Variants in ADAM18 observed in about 807,000 individuals in gnomAD.
The protein encoded by ADAM18 is disintegrin and metalloproteinase domain-containing protein 18.
A neutral mutation model predicts 94.4 loss-of-function variants in ADAM18; 117 were observed. The observed-to-expected ratio is 1.24, with a 90% CI of 1.07 to 1.45. ADAM18 has a LOEUF of 1.45. Among genes scored for constraint, ADAM18 ranks in the 40% most tolerant of loss-of-function variants. The pLI, the probability that ADAM18 is intolerant of heterozygous loss-of-function variation, is 0.00. For missense variants in ADAM18, 936 were observed against 880.0 expected, an observed-to-expected ratio of 1.06 and a Z score of -0.81; for synonymous variants, 327 against 291.6, an observed-to-expected ratio of 1.12 and a Z score of -1.24.
At chr8:39,608,920 A>G (rs1009046225) in intron 3 of ADAM18, 122 bp from the exon 4 acceptor site, 13 of 646,818 alleles carry the variant, frequency 2.0e-5, no homozygotes, top group South Asian at 1.6e-4. Flanking sequence ...AAATCACTCA[A>G]TTAAATCATG....
chr8:39,672,663 T>A (rs1048027718), intron 14 of ADAM18, among the ~76,000 whole-genome samples: 3 of 152,166 alleles, frequency 2.0e-5, no homozygotes, highest in Admixed American at 2.0e-4. Flanking sequence ...TTGACTTAAG[T>A]GGGAGCAAGG....
intron 7 of ADAM18, among the ~76,000 whole-genome samples, chr8:39,629,937 T>G (rs748510594): frequency 6.6e-5 from 10 of 151,980 alleles, no homozygotes; most frequent in Non-Finnish European, 1.2e-4. Context: ...CTTTAACTCC[T>G]AATGGGCCAT....
At chr8:39,727,368 C>A (rs970237560) in intron 19 of ADAM18, among the ~76,000 whole-genome samples, 1 of 152,166 alleles carries the variant, frequency 6.6e-6, no homozygotes, top group East Asian at 1.9e-4. Flanking sequence ...ATTTTTCAAA[C>A]TGTTATGCTC....
At chr8:39,608,245 C>A (rs1442515714) in intron 3 of ADAM18, among the ~76,000 whole-genome samples, 1 of 151,996 alleles carries the variant, frequency 6.6e-6, no homozygotes, top group Non-Finnish European at 1.5e-5. Flanking sequence ...CTGATGCTAT[C>A]TTAGTTCAAA....
chr8:39,708,309 A>G (rs1822295665), intron 18 of ADAM18, among the ~76,000 whole-genome samples: 1 of 152,262 alleles, frequency 6.6e-6, no homozygotes, highest in South Asian at 2.1e-4. Context: ...CAAATAAGTT[A>G]GAACACAGTA....
At chr8:39,646,781 T>C (rs1820391660) in intron 11 of ADAM18, among the ~76,000 whole-genome samples, 1 of 152,218 alleles carries the variant, frequency 6.6e-6, no homozygotes, top group Non-Finnish European at 1.5e-5. Flanking sequence ...CCGGGACTTA[T>C]ATTTTAGTGT....
intron 2 of ADAM18, among the ~76,000 whole-genome samples, 192 bp from the exon 3 acceptor site, chr8:39,606,115 C>T (rs1300756822): frequency 6.6e-6 from 1 of 151,988 alleles, no homozygotes; most frequent in East Asian, 1.9e-4. Flanking sequence ...AAAAAGTCAC[C>T]CCACACATTA....
At chr8:39,596,858 T>C (rs1818755602) in intron 2 of ADAM18, among the ~76,000 whole-genome samples, 1 of 152,220 alleles carries the variant, frequency 6.6e-6, no homozygotes, top group African/African-American at 2.4e-5. Context: ...GTTTGCGTTT[T>C]GACTATTCAA....
At chr8:39,688,537 A>G (rs574322310) in intron 16 of ADAM18, among the ~76,000 whole-genome samples, 5 of 152,266 alleles carry the variant, frequency 3.3e-5, no homozygotes, top group African/African-American at 1.2e-4. Context: ...CTCCAGCTCC[A>G]TCCATGTCCC....
At chr8:39,597,495 G>A (rs931044176) in intron 2 of ADAM18, among the ~76,000 whole-genome samples, 5 of 152,050 alleles carry the variant, frequency 3.3e-5, no homozygotes, top group Non-Finnish European at 7.4e-5. Flanking sequence ...TTTTACGTTT[G>A]GATATCCAGT....
chr8:39,597,070 C>T (rs553267061), intron 2 of ADAM18, among the ~76,000 whole-genome samples: 2 of 152,204 alleles, frequency 1.3e-5, no homozygotes, highest in East Asian at 3.9e-4. Context: ...ATTTGCTTGA[C>T]ATATATCTTA....
At chr8:39,668,509 T>G (rs1347989883) in intron 14 of ADAM18, among the ~76,000 whole-genome samples, 1 of 152,166 alleles carries the variant, frequency 6.6e-6, no homozygotes, top group Non-Finnish European at 1.5e-5. Flanking sequence ...TTCCTATTAC[T>G]ACCCACATTC....
chr8:39,609,283 C>T (rs984035456), intron 4 of ADAM18, among the ~76,000 whole-genome samples, 163 bp downstream of exon 4: 8 of 151,920 alleles, frequency 5.3e-5, no homozygotes, highest in Non-Finnish European at 1.0e-4. Context: ...CAGCTGCAAG[C>T]GAATACTCAC....
chr8:39,667,903 A>G lies in ADAM18; in HGVS notation c.1327-95A>G. On this transcript the variant is annotated intron_variant, in intron 13 of 19. Transcript: ENST00000265707. ...GAACTCTGGTGTTCCCTCAAATATC[A>G]ATAATTAGAAACATTTTATGTGATA... 3 of 1,287,634 alleles carry G rather than the reference A, an allele frequency of 2.3e-6. No individual in the cohort carries two copies. In the South Asian group the frequency reaches 4.1e-5, roughly 18 times the overall value. 79.8% of individuals were successfully genotyped at this position (1,287,634 alleles called of 1,614,324 possible). A position where few individuals can be genotyped will look rare whatever the true frequency, so the allele number is the denominator to read the frequency against.
At position 39,699,346 on chromosome 8, in the gene ADAM18, G is replaced by T. The variant is rs114186801; in HGVS notation, c.1902+6666G>T. Among the ~76,000 whole-genome samples the T allele has an allele frequency of 9.2e-3, 1,392 of 152,068 alleles. 30 individuals carry two copies. Among genetic ancestry groups the T allele is most frequent in the African/African-American group, 0.032 (1,312 of 41,524 alleles). The stretch of plus-strand genomic sequence containing the variant: ...ACTTGCTAAAAAATTTAGGAAGAAA[G>T]ACTTTAATTTTATTGAATTATTTTT... On this transcript the variant is annotated intron_variant, in intron 17 of 19. Coordinates refer to ENST00000265707, the MANE Select transcript of ADAM18 (RefSeq NM_014237.3).
intron 17 of ADAM18, among the ~76,000 whole-genome samples, chr8:39,703,593 G>A (rs554717200): frequency 1.1e-3 from 163 of 152,000 alleles, no homozygotes; most frequent in African/African-American, 3.3e-3. Context: ...GCTTTTGCCC[G>A]TTGATTATGA....
chr8:39,728,099 T>G (rs1391764090), intron 19 of ADAM18, among the ~76,000 whole-genome samples: 1 of 151,904 alleles, frequency 6.6e-6, no homozygotes, highest in African/African-American at 2.4e-5. Context: ...TACCACACAC[T>G]TTGAAATGGC....
In ADAM18 at chr8:39,591,504, C is replaced by T. The variant is rs375960691; in HGVS notation, c.132+6152C>T. Among the ~76,000 whole-genome samples, 10 of 152,220 alleles carry T rather than the reference C, an allele frequency of 6.6e-5. No individual in the cohort carries two copies. The South Asian group carries it at 8.3e-4, about 13-fold the overall frequency. The stretch of plus-strand genomic sequence containing the variant: ...CAGGAAACCAACTTCTTTGCTCACC[C>T]GTGAGAAGTAACTCCTCATCGATTC... On this transcript the variant is annotated intron_variant, in intron 2 of 19. Transcript: ENST00000265707.
At chr8:39,618,079 G>C (rs2129578715) in intron 6 of ADAM18, among the ~76,000 whole-genome samples, 1 of 152,280 alleles carries the variant, frequency 6.6e-6, no homozygotes, top group South Asian at 2.1e-4. Context: ...TATACACATA[G>C]ACTGAAAGTA....
Sources: gnomAD v4.1 joint callset for allele counts (sites outside exome capture counted in the v4.1 genomes callset) on GRCh38, gnomAD v4.1.1 for gene constraint, MANE v1.5 for transcripts, NCBI Gene and HGNC (gene_info 2026-07-23, HGNC 2026-07-21) for gene names.